Variants in BLTP3B observed in about 807,000 individuals in gnomAD.
The protein encoded by BLTP3B is UHRF1 (ICBP90) binding protein 1-like.
At chr12:100,118,211 G>A in the BLTP3B span, among the ~76,000 whole-genome samples, 32 of 152,096 alleles carry the variant, frequency 2.1e-4, no homozygotes, top group South Asian at 8.3e-4. Context: ...GGCTGGGCAC[G>A]GTGGCTTATG....
chr12:100,102,917 TA>T, the BLTP3B span: 121 of 1,024,120 alleles, frequency 1.2e-4, no homozygotes, highest in Non-Finnish European at 1.6e-4. Flanking sequence ...ATTATTAAAG[TA>T]TTATTTAAGA....
the BLTP3B span, chr12:100,142,544 G>C: frequency 5.0e-6 from 8 of 1,591,256 alleles, no homozygotes; most frequent in African/African-American, 1.1e-4. Context: ...ACTCCAGTGC[G>C]GGCTGGGGTG....
chr12:100,135,920 T>C, the BLTP3B span, among the ~76,000 whole-genome samples: 1 of 152,006 alleles, frequency 6.6e-6, no homozygotes, highest in Admixed American at 6.6e-5. Context: ...TATTTAAAAG[T>C]GAATACTGTC....
At chr12:100,055,249 G>C in the BLTP3B span, among the ~76,000 whole-genome samples, 1 of 152,226 alleles carries the variant, frequency 6.6e-6, no homozygotes, top group Non-Finnish European at 1.5e-5. Context: ...CTTTGGGCAA[G>C]CTGCTTACCT....
the BLTP3B span, among the ~76,000 whole-genome samples, chr12:100,066,071 C>T: frequency 1.3e-5 from 2 of 152,268 alleles, no homozygotes; most frequent in Non-Finnish European, 2.9e-5. Flanking sequence ...AAAGAACCTA[C>T]ATTGAAATAC....
the BLTP3B span, among the ~76,000 whole-genome samples, chr12:100,135,264 C>CTTT: frequency 1.4e-5 from 2 of 141,084 alleles, no homozygotes; most frequent in South Asian, 4.4e-4. Context: ...ATATTGCTTT[C>CTTT]TTTTTTTTCT....
the BLTP3B span, among the ~76,000 whole-genome samples, chr12:100,070,715 T>G: frequency 1.3e-5 from 2 of 151,962 alleles, no homozygotes; most frequent in Non-Finnish European, 2.9e-5. Flanking sequence ...ATTAATAGGG[T>G]GGGTGCGGTG....
chr12:100,138,318 T>C, the BLTP3B span, among the ~76,000 whole-genome samples: 1 of 152,218 alleles, frequency 6.6e-6, no homozygotes. Context: ...TTTACTTAAA[T>C]AGATCAGCTT....
At chr12:100,037,706 A>C in the BLTP3B span, 1 of 1,611,472 alleles carries the variant, frequency 6.2e-7, no homozygotes, top group Non-Finnish European at 8.5e-7. Flanking sequence ...TGCAAGAGCC[A>C]TTTTAGCTTT....
chr12:100,064,014 G>T, the BLTP3B span, among the ~76,000 whole-genome samples: 1 of 152,126 alleles, frequency 6.6e-6, no homozygotes, highest in African/African-American at 2.4e-5. Context: ...AAAAGGCAAA[G>T]CCCAATGTAA....
chr12:100,107,644 C>T, the BLTP3B span, among the ~76,000 whole-genome samples: 1 of 152,130 alleles, frequency 6.6e-6, no homozygotes, highest in South Asian at 2.1e-4. Flanking sequence ...AAAAAAAAAT[C>T]TCAAAATGAA....
chr12:100,127,681 G>C, the BLTP3B span, among the ~76,000 whole-genome samples: 1 of 152,098 alleles, frequency 6.6e-6, no homozygotes, highest in Non-Finnish European at 1.5e-5. Context: ...AGACAGGAGA[G>C]GGTAGAAGAG....
the BLTP3B span, among the ~76,000 whole-genome samples, chr12:100,105,493 G>T: frequency 6.6e-6 from 1 of 152,132 alleles, no homozygotes; most frequent in African/African-American, 2.4e-5. Context: ...GCCACATGTA[G>T]AAGAATGAAA....
the BLTP3B span, among the ~76,000 whole-genome samples, chr12:100,089,585 A>T: frequency 1.2e-4 from 18 of 152,228 alleles, no homozygotes; most frequent in African/African-American, 3.8e-4. Flanking sequence ...AAAACAAAAA[A>T]ACAAACAAAA....
At chr12:100,063,999 C>G in the BLTP3B span, among the ~76,000 whole-genome samples, 4 of 151,692 alleles carry the variant, frequency 2.6e-5, no homozygotes, top group Non-Finnish European at 5.9e-5. Flanking sequence ...CAGGGAGGCA[C>G]CAGAAAAAGG....
chr12:100,127,562 T>C, the BLTP3B span, among the ~76,000 whole-genome samples: 7 of 152,230 alleles, frequency 4.6e-5, no homozygotes, highest in Admixed American at 6.5e-5. Context: ...TTCAGTGATA[T>C]GAGTTTCTAG....
chr12:100,118,679 C>T, the BLTP3B span, among the ~76,000 whole-genome samples: 732 of 152,268 alleles, frequency 4.8e-3, 3 homozygotes, highest in African/African-American at 0.015. Context: ...GAGAATTCTG[C>T]ATTATCTTCA....
At chr12:100,096,950 C>T in the BLTP3B span, among the ~76,000 whole-genome samples, 3 of 152,094 alleles carry the variant, frequency 2.0e-5, no homozygotes, top group Non-Finnish European at 2.9e-5. Context: ...GCATAGTGGG[C>T]GTGCCTATTG....
the BLTP3B span, among the ~76,000 whole-genome samples, chr12:100,111,683 G>A: frequency 6.6e-6 from 1 of 151,964 alleles, no homozygotes; most frequent in Non-Finnish European, 1.5e-5. Flanking sequence ...TCAGCTCATT[G>A]CAACCTCTGC....
Sources: allele counts gnomAD v4.1 joint callset (sites outside exome capture counted in the v4.1 genomes callset), GRCh38; gene constraint gnomAD v4.1.1; transcripts MANE v1.5; gene names NCBI Gene and HGNC (gene_info 2026-07-23, HGNC 2026-07-21).